Variants in MBOAT1 observed in about 807,000 individuals in gnomAD.
The protein encoded by MBOAT1 is membrane bound glycerophospholipid O-acyltransferase 1.
In MBOAT1, 67 loss-of-function variants were observed where a neutral mutation model predicts 64.4. The observed-to-expected ratio is 1.04, with a 90% CI of 0.85 to 1.27. The LOEUF (loss-of-function observed/expected upper bound fraction) is 1.27. MBOAT1 is among the 50% of genes most tolerant of loss of function. The pLI is 0.00. For missense variants in MBOAT1, 563 were observed against 604.6 expected (o/e 0.93, Z 0.72); for synonymous variants, 229 against 218.9 (o/e 1.05, Z -0.41).
intron 1 of MBOAT1, among the ~76,000 whole-genome samples, chr6:20,205,685 A>G (rs1047678500): frequency 9.2e-5 from 14 of 152,086 alleles, no homozygotes; most frequent in Non-Finnish European, 1.8e-4. Context: ...AACTCTGTGG[A>G]CCTGGGGGTT....
chr6:20,187,399 G>A (rs62397942), intron 1 of MBOAT1, among the ~76,000 whole-genome samples: 4,219 of 152,240 alleles, frequency 0.028, 77 homozygotes, highest in Non-Finnish European at 0.04. Flanking sequence ...CACAAGCATC[G>A]AAATGGCCCC....
intron 1 of MBOAT1, among the ~76,000 whole-genome samples, chr6:20,179,734 A>T (rs1018088699): frequency 6.6e-6 from 1 of 152,190 alleles, no homozygotes; most frequent in Admixed American, 6.5e-5. Flanking sequence ...AGGAATCACC[A>T]CACTATCTTC....
chr6:20,141,792 G>A lies in MBOAT1; in HGVS notation c.419+2428C>T, dbSNP rs1761184656. Reference sequence around the variant, plus strand: ...CGTTGCAGGCTTGGGGTGGTCCAGGGTGGTGGCGGTGGGCATGAAGGGCAG... The same window carrying A: ...CGTTGCAGGCTTGGGGTGGTCCAGGATGGTGGCGGTGGGCATGAAGGGCAG... On this transcript the variant is annotated intron_variant, in intron 4 of 12. Coordinates refer to ENST00000324607, the MANE Select transcript of MBOAT1 (RefSeq NM_001080480.3). 2.0e-5 allele frequency among the ~76,000 whole-genome samples: 3 copies of A among 152,120 alleles called. No homozygotes were observed. The South Asian group carries it at 6.2e-4, about 32-fold the overall frequency.
chr6:20,118,216 T>G (rs532872336), intron 9 of MBOAT1, among the ~76,000 whole-genome samples: 46 of 151,764 alleles, frequency 3.0e-4, no homozygotes, highest in Non-Finnish European at 6.2e-4. Flanking sequence ...CATTCTTCCT[T>G]GAACCATTAG....
chr6:20,179,180 T>C (rs1344317800), intron 1 of MBOAT1, among the ~76,000 whole-genome samples: 2 of 147,314 alleles, frequency 1.4e-5, no homozygotes, highest in African/African-American at 5.0e-5. Context: ...CAACCCTCAA[T>C]GTGCTACTGA....
At chr6:20,196,589 A>C (rs911411127) in intron 1 of MBOAT1, among the ~76,000 whole-genome samples, 1 of 152,192 alleles carries the variant, frequency 6.6e-6, no homozygotes, top group Admixed American at 6.5e-5. Context: ...CACCAGGTGC[A>C]GTGGCTCACA....
At chr6:20,156,344 G>A (rs1404995941) in intron 1 of MBOAT1, among the ~76,000 whole-genome samples, 1 of 151,948 alleles carries the variant, frequency 6.6e-6, no homozygotes, top group Non-Finnish European at 1.5e-5. Context: ...ACTGTTCATG[G>A]TAAATGCCTA....
chr6:20,107,339 G>C (rs1396078910), intron 12 of MBOAT1, among the ~76,000 whole-genome samples: 1 of 152,048 alleles, frequency 6.6e-6, no homozygotes, highest in Non-Finnish European at 1.5e-5. Context: ...TACATGACGG[G>C]GCTTTTCCAG....
rs531455005 is a variant in MBOAT1 at position 20,109,980 on chromosome 6, G to A, written c.1210-231C>T. ...GCTGGAGTGCAGTGGCGCAATCTCA[G>A]CTCACTGCAAGCTCTGCCTCCTGGG... is the stretch of plus-strand genomic sequence containing the variant. On this transcript the variant is annotated intron_variant, in intron 11 of 12. Coordinates refer to ENST00000324607, the MANE Select transcript of MBOAT1 (RefSeq NM_001080480.3). Among the ~76,000 whole-genome samples the A allele has an allele frequency of 4.3e-5, 6 of 138,362 alleles. No homozygotes were observed. In the South Asian group the frequency reaches 7.0e-4, roughly 16 times the overall value. 90.8% of individuals were successfully genotyped at this position (138,362 alleles called of 152,430 possible).
intron 2 of MBOAT1, 25 bp from the exon 3 acceptor site, chr6:20,151,287 G>A: frequency 1.3e-6 from 2 of 1,526,016 alleles, no homozygotes; most frequent in East Asian, 4.5e-5. Context: ...AGTAGGGGGA[G>A]GAGTAATGAA....
At chr6:20,153,261 G>T (rs1416477965) in intron 1 of MBOAT1, among the ~76,000 whole-genome samples, 1 of 152,186 alleles carries the variant, frequency 6.6e-6, no homozygotes, top group Non-Finnish European at 1.5e-5. Context: ...CCCTCGTGTG[G>T]TATAAGATGT....
Position 20,102,359 on chromosome 6 carries a change from G to T in MBOAT1, c.1415C>A (p.Pro472Gln). ...TTGCGTATGAGCTTGTGGTTTCATTGGCAGAAATAGTATTATCAGGAGACT... is the reference window on the plus strand; with the variant it reads ...TTGCGTATGAGCTTGTGGTTTCATTTGCAGAAATAGTATTATCAGGAGACT... ...IISLLIILFL[P>Q]MKPQAHTQRR... Residue 472 changes from proline to glutamine, a missense_variant, in exon 13 of 13, where the codon CCA becomes CAA. Transcript: ENST00000324607. The T allele has an allele frequency of 6.2e-7, 1 of 1,612,998 alleles. No homozygotes were observed. Among genetic ancestry groups the T allele is most frequent in the African/African-American group, 1.3e-5 (1 of 74,994 alleles).
intron 2 of MBOAT1, among the ~76,000 whole-genome samples, chr6:20,152,012 G>A (rs1761507072): frequency 6.6e-6 from 1 of 152,120 alleles, no homozygotes; most frequent in African/African-American, 2.4e-5. Context: ...GGAGGGATCT[G>A]TAGAAGTCTA....
rs551745884 is a variant in MBOAT1 at position 20,141,800 on chromosome 6, G to A, written c.419+2420C>T. 3.3e-5 allele frequency among the ~76,000 whole-genome samples: 5 copies of A among 152,196 alleles called. No individual in the cohort carries two copies. The East Asian group carries it at 9.7e-4, about 29-fold the overall frequency. On this transcript the variant is annotated intron_variant, in intron 4 of 12. Coordinates refer to ENST00000324607, the MANE Select transcript of MBOAT1 (RefSeq NM_001080480.3). ...GCTTGGGGTGGTCCAGGGTGGTGGC[G>A]GTGGGCATGAAGGGCAGCGGGCGGA...
At chr6:20,174,395 T>A (rs542373762) in intron 1 of MBOAT1, among the ~76,000 whole-genome samples, 6 of 152,236 alleles carry the variant, frequency 3.9e-5, no homozygotes, top group African/African-American at 9.6e-5. Flanking sequence ...AGGTTACACA[T>A]CTGTACAGCA....
intron 4 of MBOAT1, among the ~76,000 whole-genome samples, chr6:20,143,148 C>T (rs1279206035): frequency 1.3e-5 from 2 of 152,218 alleles, no homozygotes; most frequent in Non-Finnish European, 2.9e-5. Flanking sequence ...GCAGAGAACA[C>T]AACTAAACTC....
chr6:20,147,974 T>C (rs553600467), intron 3 of MBOAT1, among the ~76,000 whole-genome samples: 21 of 152,350 alleles, frequency 1.4e-4, no homozygotes, highest in Non-Finnish European at 2.6e-4. Context: ...CTAGGCCCTC[T>C]GCCCCAGGAG....
At chr6:20,120,466 C>A (rs780932738) in intron 8 of MBOAT1, among the ~76,000 whole-genome samples, 1 of 151,934 alleles carries the variant, frequency 6.6e-6, no homozygotes, top group Non-Finnish European at 1.5e-5. Flanking sequence ...GTCAGCAGTT[C>A]GAGACCAGCC....
At chr6:20,119,717 T>C (rs1048646667) in intron 8 of MBOAT1, among the ~76,000 whole-genome samples, 3 of 152,184 alleles carry the variant, frequency 2.0e-5, no homozygotes, top group African/African-American at 4.8e-5. Flanking sequence ...GCCAACTGGA[T>C]GGGAACCCAG....
Sources: gnomAD v4.1 joint callset for allele counts (sites outside exome capture counted in the v4.1 genomes callset) on GRCh38, gnomAD v4.1.1 for gene constraint, MANE v1.5 for transcripts, NCBI Gene and HGNC (gene_info 2026-07-23, HGNC 2026-07-21) for gene names.